PCDHA9: variants seen among roughly 807,000 people sequenced by gnomAD.
The protein encoded by PCDHA9 is protocadherin alpha-9.
A neutral mutation model predicts 62.0 loss-of-function variants in PCDHA9; 62 were observed. The ratio of observed to expected loss-of-function variants is 1.00; its 90% CI spans 0.81 to 1.23. The LOEUF is 1.23. Among genes scored for constraint, PCDHA9 ranks in the 50% most tolerant of loss-of-function variants. The pLI is 0.00. For synonymous variants in PCDHA9, 557 were observed against 567.6 expected (o/e 0.98, Z 0.27); for missense variants, 1,205 against 1,249.8 (o/e 0.96, Z 0.54).
chr5:141,010,353 G>T lies in PCDHA9; in HGVS notation c.*416G>T. On this transcript the variant is annotated 3_prime_UTR_variant, in exon 4 of 4. Transcript: ENST00000532602. Reference sequence around the variant, plus strand: ...AGTTTGTGGCCACTGGGTATGTGTGGCTACCGCGGGTATGCGAGTGCCAGA... The same window carrying T: ...AGTTTGTGGCCACTGGGTATGTGTGTCTACCGCGGGTATGCGAGTGCCAGA... The T allele has an allele frequency of 6.6e-7, 1 of 1,507,486 alleles. No homozygotes were observed. Among genetic ancestry groups the T allele is most frequent in the Non-Finnish European group, 8.9e-7 (1 of 1,128,244 alleles). 93.4% of individuals were successfully genotyped at this position (1,507,486 alleles called of 1,614,324 possible).
intron 1 of PCDHA9, among the ~76,000 whole-genome samples, chr5:140,936,532 A>G (rs1431070462): frequency 6.6e-6 from 1 of 152,222 alleles, no homozygotes; most frequent in East Asian, 1.9e-4. Context: ...ATTGCTTTTG[A>G]ATATAGTGCA....
At chr5:140,925,556 T>C (rs1421287870) in intron 1 of PCDHA9, among the ~76,000 whole-genome samples, 2 of 151,752 alleles carry the variant, frequency 1.3e-5, no homozygotes, top group African/African-American at 4.8e-5. Flanking sequence ...AAATGACAAG[T>C]TAATGGGTGC....
chr5:141,000,192 T>C lies in PCDHA9; in HGVS notation c.2543-9435T>C, dbSNP rs112948047. 6.4e-3 allele frequency among the ~76,000 whole-genome samples: 968 copies of C among 151,888 alleles called. 13 individuals carry two copies. Among genetic ancestry groups the C allele is most frequent in the African/African-American group, 0.023 (941 of 41,384 alleles). ...TTGAGCCAAGGAGTCAATGTGAGAA[T>C]AGTTTTTCACCTTCATTATCAAATG... On this transcript the variant is annotated intron_variant, in intron 3 of 3. Coordinates refer to ENST00000532602, the MANE Select transcript of PCDHA9 (RefSeq NM_031857.2).
chr5:141,009,573 G>T, intron 3 of PCDHA9, 54 bp from the exon 4 acceptor site: 2 of 1,580,662 alleles, frequency 1.3e-6, no homozygotes, highest in South Asian at 1.2e-5. Context: ...CAGCAGTGTG[G>T]CATCAAGAGC....
At chr5:140,941,217 T>TCCTTTCTTTCTTTCTTTCTTTCTG (rs2092892388) in intron 1 of PCDHA9, among the ~76,000 whole-genome samples, 1 of 126,078 alleles carries the variant, frequency 7.9e-6, no homozygotes, top group Non-Finnish European at 1.7e-5. Context: ...CTTTCTTCCT[T>TCCTTTCTTTCTTTCTTTCTTTCTG]TCTTTCTTTC....
chr5:140,949,260 T>A (rs1292112980), intron 1 of PCDHA9, among the ~76,000 whole-genome samples: 1 of 151,804 alleles, frequency 6.6e-6, no homozygotes, highest in African/African-American at 2.4e-5. Flanking sequence ...GATGAACATA[T>A]CACGTGCACT....
chr5:140,909,493 G>A (rs989826667), intron 1 of PCDHA9, among the ~76,000 whole-genome samples: 2 of 152,184 alleles, frequency 1.3e-5, no homozygotes, highest in African/African-American at 4.8e-5. Context: ...AGAGCTGAAC[G>A]GGGATGTGGT....
At chr5:140,860,192 C>CATATATATATATATATATATATATAT (rs143984774) in intron 1 of PCDHA9, 76 of 146,806 alleles carry the variant, frequency 5.2e-4, no homozygotes, top group Middle Eastern at 3.6e-3. Flanking sequence ...GCTCTCCTTA[C>CATATATATATATATATATATATATAT]ATATATATCT....
Position 140,886,556 on chromosome 5 carries a change from G to A in PCDHA9, c.2394+35667G>A, listed in dbSNP as rs368447778. On this transcript the variant is annotated intron_variant, in intron 1 of 3. Coordinates refer to ENST00000532602, the MANE Select transcript of PCDHA9 (RefSeq NM_031857.2). ...TAGAAAGGTCTTCCCAGCTGGGCACGGTGGCTCACGCCTGTAATCCCAGCA... is the reference window on the plus strand; with the variant it reads ...TAGAAAGGTCTTCCCAGCTGGGCACAGTGGCTCACGCCTGTAATCCCAGCA... Among the ~76,000 whole-genome samples, 30 of 151,832 alleles carry A rather than the reference G, an allele frequency of 2.0e-4. No individual in the cohort carries two copies. The East Asian group carries it at 5.5e-3, about 28-fold the overall frequency.
chr5:140,883,870 G>T, intron 1 of PCDHA9: 1 of 1,613,302 alleles, frequency 6.2e-7, no homozygotes, highest in South Asian at 1.1e-5. Context: ...TGCAGTTCCA[G>T]GTGAGCGCGC....
At chr5:141,004,681 G>A (rs1554259668) in intron 3 of PCDHA9, among the ~76,000 whole-genome samples, 1 of 152,176 alleles carries the variant, frequency 6.6e-6, no homozygotes. Flanking sequence ...CTGTGGAGTG[G>A]TGCTGAAACC....
intron 3 of PCDHA9, among the ~76,000 whole-genome samples, chr5:140,984,430 A>T (rs1236503699): frequency 6.6e-6 from 1 of 152,080 alleles, no homozygotes; most frequent in East Asian, 1.9e-4. Flanking sequence ...AGAGAAGGGG[A>T]TCTCCCTTGT....
intron 3 of PCDHA9, among the ~76,000 whole-genome samples, chr5:141,007,395 C>CAAAAAAAAAAAA (rs35800918): frequency 6.3e-5 from 6 of 94,866 alleles, no homozygotes; most frequent in Admixed American, 1.2e-4. Flanking sequence ...TACTAAAATA[C>CAAAAAAAAAAAA]AAAAAAAAAA....
chr5:140,850,305 A>G lies in PCDHA9; in HGVS notation c.1810A>G (p.Asn604Asp), dbSNP rs145743353. ...CGCAGTGGACGCCGACTCGGGCTAC[A>G]ACGCGTGGCTTTCATACGAGCTGCA... ...VRAVDADSGY[N>D]AWLSYELQPE... is the part of the protein sequence containing the mutation. The change falls in exon 1 of 4, where the codon AAC becomes GAC. Residue 604 changes from asparagine to aspartate, a missense_variant. Physicochemically the swap from Asn to Asp is conservative, Grantham distance 23. Transcript: ENST00000532602. 1.9e-5 allele frequency: 30 copies of G among 1,596,858 alleles called. 3 individuals carry two copies. Among genetic ancestry groups the G allele is most frequent in the Non-Finnish European group, 2.5e-5 (29 of 1,167,642 alleles).
At chr5:140,858,234 C>A (rs782153266) in intron 1 of PCDHA9, 1 of 1,596,332 alleles carries the variant, frequency 6.3e-7, no homozygotes, top group South Asian at 1.1e-5. Context: ...ACCGAGGGCG[C>A]ATGTGGGCCG....
intron 1 of PCDHA9, among the ~76,000 whole-genome samples, chr5:140,906,476 G>A (rs1284528767): frequency 1.3e-5 from 2 of 152,192 alleles, no homozygotes; most frequent in African/African-American, 4.8e-5. Context: ...TAGTACAAAT[G>A]TATAAATGCA....
chr5:140,856,364 G>A (rs782661319), intron 1 of PCDHA9: 1 of 1,598,600 alleles, frequency 6.3e-7, no homozygotes, highest in Non-Finnish European at 8.6e-7. Context: ...CATCCACCTG[G>A]AGGTGATCGT....
intron 1 of PCDHA9, among the ~76,000 whole-genome samples, chr5:140,953,076 T>C (rs1276914822): frequency 6.6e-6 from 1 of 152,106 alleles, no homozygotes; most frequent in East Asian, 1.9e-4. Flanking sequence ...ATCTCCAACA[T>C]TGGGGATTAC....
At chr5:140,963,206 AC>A (rs145404740) in intron 1 of PCDHA9, among the ~76,000 whole-genome samples, 1,595 of 152,188 alleles carry the variant, frequency 0.01, 28 homozygotes, top group African/African-American at 0.037. Context: ...GAAAAAAAAA[AC>A]CTCGTGTTTA....
Sources: gnomAD v4.1 joint callset for allele counts (sites outside exome capture counted in the v4.1 genomes callset) on GRCh38, gnomAD v4.1.1 for gene constraint, MANE v1.5 for transcripts, NCBI Gene and HGNC (gene_info 2026-07-23, HGNC 2026-07-21) for gene names.